The following LRP1B variants were observed in gnomAD, a reference collection of about 807,000 sequenced individuals.
The protein encoded by LRP1B is LDL receptor related protein 1B.
In LRP1B, 217 loss-of-function variants were observed where a neutral mutation model predicts 556.6. That is an observed-to-expected ratio of 0.39 (90% CI 0.35 to 0.44). LRP1B has a LOEUF of 0.44. Among genes scored for constraint, LRP1B ranks in the 20% least tolerant of loss-of-function variants. LRP1B has a pLI of 1.00. For synonymous variants in LRP1B, 2,047 were observed against 1,865.8 expected (o/e 1.10, Z -2.50); for missense variants, 5,053 against 5,620.8 (o/e 0.90, Z 3.23).
intron 24 of LRP1B, among the ~76,000 whole-genome samples, chr2:140,885,566 G>C (rs1693610179): frequency 6.6e-6 from 1 of 151,880 alleles, no homozygotes; most frequent in African/African-American, 2.4e-5. Flanking sequence ...GGCCAGGCTG[G>C]TCTGGATCTC....
At chr2:141,247,458 G>T (rs1167028670) in intron 4 of LRP1B, 104 bp from the exon 5 acceptor site, 4 of 1,335,306 alleles carry the variant, frequency 3.0e-6, no homozygotes, top group Non-Finnish European at 4.1e-6. Flanking sequence ...AGACTATTAA[G>T]GAAAAGCCAA....
Position 140,984,198 on chromosome 2 carries a change from T to C in LRP1B, c.2771-1922A>G, listed in dbSNP as rs538073884. Among the ~76,000 whole-genome samples, 3 of 152,028 alleles carry C rather than the reference T, an allele frequency of 2.0e-5. No individual in the cohort carries two copies. In the South Asian group the frequency reaches 6.2e-4, roughly 32 times the overall value. ...CCCTTACATATCTCTGTTTCACTGG[T>C]TACAATAAATACCTTTTTATCTTTT... On this transcript the variant is annotated intron_variant, in intron 17 of 90. Transcript: ENST00000389484.
At chr2:141,371,541 CTCTT>C (rs1689231368) in intron 3 of LRP1B, among the ~76,000 whole-genome samples, 1 of 152,048 alleles carries the variant, frequency 6.6e-6, no homozygotes, top group Non-Finnish European at 1.5e-5. Flanking sequence ...GTGTCATCTA[CTCTT>C]TCTTTCTTCA....
At chr2:141,560,146 C>G (rs2105245656) in intron 2 of LRP1B, among the ~76,000 whole-genome samples, 1 of 151,750 alleles carries the variant, frequency 6.6e-6, no homozygotes, top group South Asian at 2.1e-4. Flanking sequence ...GCTGCATGCA[C>G]TATCTAAAAC....
In LRP1B at chr2:140,536,577, T is replaced by C; in HGVS notation, c.7642+4A>G. Reference sequence around the variant, plus strand: ...AAACGAGCAAACCCATATTGGACACTTACCACAGTAGAGCAGTTTTTCATC... The same window carrying C: ...AAACGAGCAAACCCATATTGGACACCTACCACAGTAGAGCAGTTTTTCATC... On this transcript the variant is annotated splice_donor_region_variant and intron_variant, in intron 46 of 90. Coordinates refer to ENST00000389484, the MANE Select transcript of LRP1B (RefSeq NM_018557.3). 1.9e-6 allele frequency: 3 copies of C among 1,604,982 alleles called. No homozygotes were observed. Among genetic ancestry groups the C allele is most frequent in the South Asian group, 2.2e-5 (2 of 89,096 alleles).
At chr2:141,258,844 T>A (rs758285740) in intron 3 of LRP1B, among the ~76,000 whole-genome samples, 1 of 152,160 alleles carries the variant, frequency 6.6e-6, no homozygotes, top group Non-Finnish European at 1.5e-5. Context: ...CCACCACGAT[T>A]GTAAGTTTCC....
At chr2:141,454,382 ACAAG>A (rs1681550119) in intron 3 of LRP1B, among the ~76,000 whole-genome samples, 1 of 152,168 alleles carries the variant, frequency 6.6e-6, no homozygotes. Context: ...TAACAGCAAG[ACAAG>A]AGAAGTGCTG....
chr2:141,977,570 G>T lies in LRP1B; in HGVS notation c.82+153078C>A, dbSNP rs1310353761. Among the ~76,000 whole-genome samples the T allele has an allele frequency of 9.2e-5, 14 of 152,156 alleles. No homozygotes were observed. The South Asian group carries it at 2.3e-3, about 25-fold the overall frequency. Reference sequence around the variant, plus strand: ...GAGCAAGACTTCATCTCAAAAAAAAGTGATTCCTACCTTTCAAAAATTACT... The same window carrying T: ...GAGCAAGACTTCATCTCAAAAAAAATTGATTCCTACCTTTCAAAAATTACT... On this transcript the variant is annotated intron_variant, in intron 1 of 90. Coordinates refer to ENST00000389484, the MANE Select transcript of LRP1B (RefSeq NM_018557.3).
chr2:140,412,658 A>G (rs1685013658), intron 66 of LRP1B, among the ~76,000 whole-genome samples: 1 of 152,076 alleles, frequency 6.6e-6, no homozygotes. Context: ...AATTCTCTCA[A>G]CAACTCTATG....
intron 41 of LRP1B, among the ~76,000 whole-genome samples, chr2:140,678,369 G>T (rs901993430): frequency 1.2e-4 from 19 of 152,096 alleles, no homozygotes; most frequent in Admixed American, 4.6e-4. Context: ...AATTTTAGGA[G>T]ATATTTGTTA....
rs747321626 is a variant in LRP1B, at chr2:140,358,885, C to A, written c.11193G>T (p.Gln3731His). ...HRCRNNRICL[Q>H]SEQMCNGIDE... Reference sequence around the variant, plus strand: ...CAATCCCATTGCACATTTGCTCCGACTGTAGGCATATTCTGTTATTTCTGC... The same window carrying A: ...CAATCCCATTGCACATTTGCTCCGAATGTAGGCATATTCTGTTATTTCTGC... Residue 3731 changes from glutamine (Q) to histidine (H), a missense_variant, in exon 73 of 91, where the codon CAG becomes CAT. Around this residue, in one of 5 missense-constraint regions of LRP1B, gnomAD observed 599 missense variants for 648.4 expected, o/e 0.92. Coordinates refer to ENST00000389484, the MANE Select transcript of LRP1B (RefSeq NM_018557.3). The A allele has an allele frequency of 2.5e-6, 4 of 1,609,240 alleles. No homozygotes were observed. The African/African-American group carries it at 5.4e-5, about 22-fold the overall frequency.
chr2:141,056,077 T>C (rs759619995), intron 9 of LRP1B, among the ~76,000 whole-genome samples: 2 of 151,932 alleles, frequency 1.3e-5, no homozygotes, highest in Non-Finnish European at 2.9e-5. Context: ...ATGAATATCA[T>C]GGCAGTGTTC....
intron 2 of LRP1B, among the ~76,000 whole-genome samples, chr2:141,486,080 A>G (rs1420974466): frequency 1.3e-5 from 2 of 152,168 alleles, no homozygotes; most frequent in East Asian, 3.9e-4. Context: ...CTCACCTTTC[A>G]GCAATGTGCA....
At chr2:140,698,825 C>G (rs1049105958) in intron 41 of LRP1B, among the ~76,000 whole-genome samples, 1 of 152,002 alleles carries the variant, frequency 6.6e-6, no homozygotes, top group African/African-American at 2.4e-5. Context: ...TTGAATAAAT[C>G]ATTTACTCAT....
At chr2:140,758,992 T>C (rs976528246) in intron 35 of LRP1B, among the ~76,000 whole-genome samples, 3 of 152,112 alleles carry the variant, frequency 2.0e-5, no homozygotes, top group African/African-American at 7.2e-5. Flanking sequence ...TTTATCATTA[T>C]CTCATATTTA....
At chr2:141,479,202 T>C (rs1012717949) in intron 3 of LRP1B, among the ~76,000 whole-genome samples, 1 of 152,210 alleles carries the variant, frequency 6.6e-6, no homozygotes, top group Non-Finnish European at 1.5e-5. Flanking sequence ...CTTTTTCTAA[T>C]ATATTTCTCC....
chr2:141,907,235 T>C (rs1047879703), intron 1 of LRP1B, among the ~76,000 whole-genome samples: 2 of 151,928 alleles, frequency 1.3e-5, no homozygotes, highest in African/African-American at 4.8e-5. Context: ...GTATTCAAAA[T>C]AATTTATTTT....
At chr2:140,305,142 C>T (rs1237507422) in intron 83 of LRP1B, among the ~76,000 whole-genome samples, 5 of 152,080 alleles carry the variant, frequency 3.3e-5, no homozygotes, top group African/African-American at 4.8e-5. Flanking sequence ...AATGTGGGCT[C>T]TTTTTTGGTT....
In LRP1B at chr2:141,963,433, T is replaced by C. The variant is rs189646936; in HGVS notation, c.83-153032A>G. On this transcript the variant is annotated intron_variant, in intron 1 of 90. Transcript: ENST00000389484. ...CTTCATCCCTGGGATGCAAGGCTGG[T>C]TCAATATATGCAAATCAATAAATGT... Among the ~76,000 whole-genome samples, 16 of 152,016 alleles carry C rather than the reference T, an allele frequency of 1.1e-4. No individual in the cohort carries two copies. The South Asian group carries it at 1.7e-3, about 16-fold the overall frequency.
Sources: allele counts gnomAD v4.1 joint callset (sites outside exome capture counted in the v4.1 genomes callset), GRCh38; gene constraint gnomAD v4.1.1; regional missense constraint gnomAD v4.1.1; transcripts MANE v1.5; gene names NCBI Gene and HGNC (gene_info 2026-07-23, HGNC 2026-07-21).